Variants in SPAG6 observed in about 807,000 individuals in gnomAD.
SPAG6 encodes the protein sperm associated antigen 6, also known as sperm-associated antigen 6.
Under a neutral mutation model 58.5 loss-of-function variants are expected in SPAG6, and 49 were observed. That is an observed-to-expected ratio of 0.84 (90% CI 0.67 to 1.06). The LOEUF (loss-of-function observed/expected upper bound fraction) is 1.06. Among genes scored for constraint, SPAG6 ranks in the 50% least tolerant of loss-of-function variants. The pLI is 0.00. For missense variants in SPAG6, 560 were observed against 611.3 expected (o/e 0.92, Z 0.89); for synonymous variants, 233 against 225.6 (o/e 1.03, Z -0.29).
At chr10:22,389,431 A>T (rs529199175) in intron 7 of SPAG6, 119 bp downstream of exon 7, 1 of 1,021,120 alleles carries the variant, frequency 9.8e-7, no homozygotes, top group African/African-American at 1.6e-5. Flanking sequence ...ATTACCTGAA[A>T]AAAATTTTGA....
chr10:22,358,914 A>G (rs1000034437), intron 2 of SPAG6, among the ~76,000 whole-genome samples: 9 of 152,210 alleles, frequency 5.9e-5, no homozygotes, highest in African/African-American at 2.2e-4. Flanking sequence ...TAATTCTCAC[A>G]GTAACTTTGT....
intron 3 of SPAG6, among the ~76,000 whole-genome samples, chr10:22,366,108 G>T (rs2132050804): frequency 6.6e-6 from 1 of 152,324 alleles, no homozygotes; most frequent in East Asian, 1.9e-4. Flanking sequence ...AGCAAAGCCT[G>T]CACAGAAATA....
At chr10:22,374,977 G>A (rs1227227482) in intron 4 of SPAG6, among the ~76,000 whole-genome samples, 1 of 152,158 alleles carries the variant, frequency 6.6e-6, no homozygotes, top group East Asian at 1.9e-4. Flanking sequence ...ACTTGATAAC[G>A]CCTACAATTC....
intron 10 of SPAG6, among the ~76,000 whole-genome samples, chr10:22,413,573 A>G (rs921963301): frequency 2.3e-4 from 35 of 151,854 alleles, no homozygotes; most frequent in South Asian, 4.1e-4. Flanking sequence ...TCAAAATACC[A>G]TTGTAAATTT....
intron 8 of SPAG6, among the ~76,000 whole-genome samples, chr10:22,393,216 C>A (rs548569197): frequency 6.6e-6 from 1 of 152,076 alleles, no homozygotes; most frequent in African/African-American, 2.4e-5. Context: ...TTTCTTTAAC[C>A]CATTATCATT....
At chr10:22,394,849 A>G (rs963122208) in intron 8 of SPAG6, among the ~76,000 whole-genome samples, 3 of 152,082 alleles carry the variant, frequency 2.0e-5, no homozygotes, top group Admixed American at 2.0e-4. Flanking sequence ...TAAGACTACA[A>G]GTGTGTACTG....
chr10:22,350,074 A>G (rs1266911707), intron 2 of SPAG6, among the ~76,000 whole-genome samples: 1 of 152,190 alleles, frequency 6.6e-6, no homozygotes, highest in Non-Finnish European at 1.5e-5. Flanking sequence ...GCAACTACAA[A>G]AAATTTAACC....
chr10:22,387,268 A>G (rs1359345769), intron 5 of SPAG6, among the ~76,000 whole-genome samples: 1 of 152,138 alleles, frequency 6.6e-6, no homozygotes, highest in East Asian at 1.9e-4. Flanking sequence ...TGAACCCACC[A>G]CTATAATATT....
At chr10:22,407,757 C>T (rs970797072) in intron 9 of SPAG6, among the ~76,000 whole-genome samples, 233 of 152,220 alleles carry the variant, frequency 1.5e-3, no homozygotes, top group African/African-American at 4.9e-3. Flanking sequence ...CCATTCTCCC[C>T]GTCACTTTCA....
At chr10:22,411,285 G>A (rs1834727786) in intron 10 of SPAG6, 109 bp downstream of exon 10, 2 of 852,216 alleles carry the variant, frequency 2.3e-6, no homozygotes, top group Non-Finnish European at 3.6e-6. Flanking sequence ...AATACGATGT[G>A]AGGCCAATAT....
intron 8 of SPAG6, among the ~76,000 whole-genome samples, chr10:22,397,002 T>C (rs1834308487): frequency 6.6e-6 from 1 of 152,196 alleles, no homozygotes; most frequent in South Asian, 2.1e-4. Flanking sequence ...TATTACTTGA[T>C]TTACTGAACT....
intron 4 of SPAG6, among the ~76,000 whole-genome samples, chr10:22,382,747 A>T (rs1011710177): frequency 4.6e-5 from 7 of 152,156 alleles, no homozygotes; most frequent in African/African-American, 1.7e-4. Flanking sequence ...TTAAGCTAAA[A>T]ATTTTACATT....
At chr10:22,365,729 C>A (rs1025481972) in intron 3 of SPAG6, among the ~76,000 whole-genome samples, 5 of 151,986 alleles carry the variant, frequency 3.3e-5, no homozygotes, top group African/African-American at 9.7e-5. Context: ...AACAAAAAGA[C>A]AAGCCAATTG....
chr10:22,409,804 A>G (rs1834684292), intron 9 of SPAG6, among the ~76,000 whole-genome samples: 1 of 152,114 alleles, frequency 6.6e-6, no homozygotes. Flanking sequence ...GTCTCTCATA[A>G]TAAATTTCTT....
chr10:22,364,054 T>C (rs1298601216), intron 2 of SPAG6, among the ~76,000 whole-genome samples: 3 of 152,190 alleles, frequency 2.0e-5, no homozygotes, highest in Admixed American at 6.5e-5. Flanking sequence ...GCAAATACTA[T>C]TGGTGTCTCT....
At chr10:22,401,328 G>T in intron 9 of SPAG6, 51 bp downstream of exon 9, 2 of 984,336 alleles carry the variant, frequency 2.0e-6, no homozygotes, top group Non-Finnish European at 1.6e-6. Context: ...ATGATTTGTT[G>T]TTATTTTTTT....
chr10:22,395,301 T>G (rs150336021), intron 8 of SPAG6, among the ~76,000 whole-genome samples: 21 of 152,316 alleles, frequency 1.4e-4, no homozygotes, highest in Middle Eastern at 3.4e-3. Flanking sequence ...TAACTCTGTT[T>G]AACATCTCGA....
At chr10:22,409,668 GA>G (rs1367383135) in intron 9 of SPAG6, among the ~76,000 whole-genome samples, 2 of 152,212 alleles carry the variant, frequency 1.3e-5, no homozygotes, top group Non-Finnish European at 2.9e-5. Context: ...GAAGGAACAA[GA>G]TCAGAAAAAA....
intron 2 of SPAG6, chr10:22,360,812 C>G (rs1219586143): frequency 1.3e-6 from 2 of 1,534,386 alleles, no homozygotes; most frequent in East Asian, 2.4e-5. Context: ...TTTGTGAACT[C>G]TAAATTTCCA....
Sources: gnomAD v4.1 joint callset for allele counts (sites outside exome capture counted in the v4.1 genomes callset) on GRCh38, gnomAD v4.1.1 for gene constraint, MANE v1.5 for transcripts, NCBI Gene and HGNC (gene_info 2026-07-23, HGNC 2026-07-21) for gene names.